The following XYLT1 variants were observed in gnomAD, a reference collection of about 807,000 sequenced individuals.
XYLT1 encodes the protein beta-D-xylosyltransferase 1.
A neutral mutation model predicts 91.3 loss-of-function variants in XYLT1; 36 were observed. The ratio of observed to expected loss-of-function variants is 0.39; its 90% CI spans 0.30 to 0.52. The LOEUF is 0.52. Ranked by LOEUF, XYLT1 falls within the 20% of genes least tolerant of loss-of-function variation. The pLI, the probability that XYLT1 is intolerant of heterozygous loss-of-function variation, is 0.68. For missense variants in XYLT1, 1,242 were observed against 1,284.5 expected (o/e 0.97, Z 0.51); for synonymous variants, 588 against 532.0 (o/e 1.11, Z -1.45).
At chr16:17,384,602 T>C (rs1286734847) in intron 1 of XYLT1, among the ~76,000 whole-genome samples, 1 of 151,904 alleles carries the variant, frequency 6.6e-6, no homozygotes, top group East Asian at 2.0e-4. Flanking sequence ...TGAGAGGCAC[T>C]GTCTACTTCA....
chr16:17,138,308 T>C, intron 8 of XYLT1, 47 bp downstream of exon 8: 1 of 1,594,352 alleles, frequency 6.3e-7, no homozygotes, highest in Non-Finnish European at 8.6e-7. Context: ...AGAGGTTTGT[T>C]GGGAAGGCAT....
chr16:17,205,980 G>T (rs1191386808), intron 3 of XYLT1, among the ~76,000 whole-genome samples: 1 of 152,152 alleles, frequency 6.6e-6, no homozygotes, highest in East Asian at 1.9e-4. Context: ...AATGAGGCTT[G>T]GGTTAGGAAG....
chr16:17,243,219 G>A (rs182890710), intron 3 of XYLT1, among the ~76,000 whole-genome samples: 56 of 152,248 alleles, frequency 3.7e-4, no homozygotes, highest in Non-Finnish European at 5.6e-4. Flanking sequence ...CCTCACAACA[G>A]CCCTACAAGG....
At chr16:17,361,681 C>T (rs948647634) in intron 1 of XYLT1, among the ~76,000 whole-genome samples, 11 of 152,188 alleles carry the variant, frequency 7.2e-5, no homozygotes, top group African/African-American at 2.7e-4. Flanking sequence ...AGCCTTCAAT[C>T]CTGTGTGCCC....
chr16:17,273,756 A>T (rs773610098), intron 2 of XYLT1, among the ~76,000 whole-genome samples: 3 of 149,994 alleles, frequency 2.0e-5, no homozygotes, highest in Admixed American at 6.7e-5. Flanking sequence ...AGGCAGAAGG[A>T]TCGCTTGAAC....
chr16:17,308,087 T>A (rs760712326), intron 2 of XYLT1, among the ~76,000 whole-genome samples: 38 of 152,178 alleles, frequency 2.5e-4, no homozygotes, highest in South Asian at 6.2e-4. Context: ...TCTCAAGATC[T>A]ACAATGAACC....
chr16:17,367,144 C>A (rs2035465987), intron 1 of XYLT1, among the ~76,000 whole-genome samples: 1 of 152,196 alleles, frequency 6.6e-6, no homozygotes, highest in African/African-American at 2.4e-5. Flanking sequence ...CCGGCTCAGT[C>A]CTGACAGAGT....
intron 5 of XYLT1, among the ~76,000 whole-genome samples, chr16:17,194,993 T>C (rs991011167): frequency 4.6e-5 from 7 of 152,218 alleles, no homozygotes; most frequent in Non-Finnish European, 8.8e-5. Context: ...TTATACTCTA[T>C]CCATTGTTTA....
intron 2 of XYLT1, among the ~76,000 whole-genome samples, chr16:17,323,354 G>T (rs998657582): frequency 2.0e-5 from 3 of 152,166 alleles, no homozygotes; most frequent in African/African-American, 4.8e-5. Context: ...GCGGTTTTTG[G>T]CATCTTCGCG....
intron 6 of XYLT1, among the ~76,000 whole-genome samples, chr16:17,154,200 A>G (rs577068862): frequency 6.6e-6 from 1 of 152,336 alleles, no homozygotes; most frequent in Admixed American, 6.5e-5. Context: ...GGAGAAACAG[A>G]GGCATGGCCT....
rs560066189 is a variant in XYLT1, at chr16:17,310,204, G to A, written c.402+47808C>T. On this transcript the variant is annotated intron_variant, in intron 2 of 11. Transcript: ENST00000261381. ...GCCCTACTTTTCCCCTCTTGCTTCT[G>A]GGCAGTATCTTTAGCCATTACCAGG... Among the ~76,000 whole-genome samples, 4 of 152,218 alleles carry A rather than the reference G, an allele frequency of 2.6e-5. No homozygotes were observed. The East Asian group carries it at 7.7e-4, about 29-fold the overall frequency.
At chr16:17,175,917 G>A (rs1023004822) in intron 5 of XYLT1, among the ~76,000 whole-genome samples, 12 of 152,076 alleles carry the variant, frequency 7.9e-5, no homozygotes, top group East Asian at 3.9e-4. Context: ...AATGTTTTCT[G>A]TTTTCATGGT....
At chr16:17,192,247 C>T (rs906934963) in intron 5 of XYLT1, among the ~76,000 whole-genome samples, 17 of 152,000 alleles carry the variant, frequency 1.1e-4, no homozygotes, top group South Asian at 4.2e-4. Flanking sequence ...TACAGGCGCC[C>T]GCCACCACAC....
chr16:17,230,032 G>T (rs756772674), intron 3 of XYLT1, among the ~76,000 whole-genome samples: 1 of 152,202 alleles, frequency 6.6e-6, no homozygotes. Context: ...ACCAAGGAAC[G>T]CCAGCAGCAA....
At chr16:17,232,897 C>A (rs143892790) in intron 3 of XYLT1, among the ~76,000 whole-genome samples, 1 of 152,226 alleles carries the variant, frequency 6.6e-6, no homozygotes, top group Non-Finnish European at 1.5e-5. Flanking sequence ...TACTCGCCTA[C>A]TTATTTATCT....
At chr16:17,357,185 A>AC (rs1567390734) in intron 2 of XYLT1, among the ~76,000 whole-genome samples, 3 of 143,518 alleles carry the variant, frequency 2.1e-5, no homozygotes, top group Non-Finnish European at 3.0e-5. Flanking sequence ...AAAAAAAAAA[A>AC]AAAAAAAAAA....
At chr16:17,218,662 G>C (rs115914671) in intron 3 of XYLT1, among the ~76,000 whole-genome samples, 295 of 152,248 alleles carry the variant, frequency 1.9e-3, no homozygotes, top group African/African-American at 6.8e-3. Context: ...TTGTTATTTT[G>C]CTATTACTCC....
intron 6 of XYLT1, among the ~76,000 whole-genome samples, chr16:17,145,960 T>C (rs73531329): frequency 0.072 from 10,898 of 152,320 alleles, 1,324 homozygotes; most frequent in African/African-American, 0.25. Flanking sequence ...ACTTTGGCTC[T>C]GGACTTTGTG....
At chr16:17,339,210 T>C (rs1385265079) in intron 2 of XYLT1, among the ~76,000 whole-genome samples, 1 of 152,186 alleles carries the variant, frequency 6.6e-6, no homozygotes, top group Admixed American at 6.5e-5. Context: ...GAGAGAATTC[T>C]GGGGGTCTTC....
Sources: allele counts gnomAD v4.1 joint callset (sites outside exome capture counted in the v4.1 genomes callset), GRCh38; gene constraint gnomAD v4.1.1; transcripts MANE v1.5; gene names NCBI Gene and HGNC (gene_info 2026-07-23, HGNC 2026-07-21).